Variants in EPS8L2 observed in about 807,000 individuals in gnomAD.
EPS8L2 encodes the protein epidermal growth factor receptor kinase substrate 8-like protein 2.
In EPS8L2, 81 loss-of-function variants were observed where a neutral mutation model predicts 99.4. The observed-to-expected ratio is 0.82, with a 90% CI of 0.68 to 0.98. The LOEUF (loss-of-function observed/expected upper bound fraction) is 0.98. EPS8L2 is among the 50% of genes least tolerant of loss of function. The pLI, the probability that EPS8L2 is intolerant of heterozygous loss-of-function variation, is 0.00. For missense variants in EPS8L2, 1,155 were observed against 968.8 expected (o/e 1.19, Z -2.55); for synonymous variants, 509 against 407.3 (o/e 1.25, Z -3.01).
rs181116568 is a variant in EPS8L2, at chr11:716,523, C to G, written c.166-3539C>G. On this transcript the variant is annotated intron_variant, in intron 4 of 20. Transcript: ENST00000318562. The stretch of plus-strand genomic sequence containing the variant: ...CCACCCTCCTTGGCCTCCCAAAGTG[C>G]TGGGATTACAGGCGTGAGCCACCGT... Among the ~76,000 whole-genome samples the G allele has an allele frequency of 5.3e-5, 8 of 152,324 alleles. 1 individual carries two copies. The South Asian group carries it at 1.2e-3, about 24-fold the overall frequency.
At chr11:715,296 G>C (rs933661894) in intron 4 of EPS8L2, among the ~76,000 whole-genome samples, 2 of 151,832 alleles carry the variant, frequency 1.3e-5, no homozygotes, top group Middle Eastern at 3.4e-3. Context: ...TTAGATATTT[G>C]TTAGGATTTG....
rs768406905 is a variant in EPS8L2, at chr11:721,148, C to T, written c.642C>T (p.Gly214=). Residue 214 remains glycine, a synonymous_variant, in exon 8 of 21, where the codon GGC becomes GGT. Transcript: ENST00000318562. The part of the protein sequence containing the change: ...GPAPIPFQHR[G]GDSPEAKNRV... ...CGCCCATCCCCTTCCAGCACCGCGG[C>T]GGGGATTCCCCGGAGGCCAAGAATC... 7.2e-6 allele frequency: 11 copies of T among 1,536,340 alleles called. No homozygotes were observed. In the Admixed American group the frequency reaches 1.8e-4, roughly 25 times the overall value.
At chr11:715,043 C>G (rs1170343975) in intron 4 of EPS8L2, among the ~76,000 whole-genome samples, 1 of 152,034 alleles carries the variant, frequency 6.6e-6, no homozygotes, top group African/African-American at 2.4e-5. Context: ...GAGATCAAGA[C>G]CATTCTGGCT....
rs182315048 is a variant in EPS8L2 at position 722,144 on chromosome 11, C to G, written c.1038C>G (p.Phe346Leu). The G allele has an allele frequency of 1.2e-6, 2 of 1,612,742 alleles. No homozygotes were observed. The highest frequency in any genetic ancestry group is 2.7e-5 in the African/African-American group (2 of 75,042). Residue 346 changes from phenylalanine to leucine, a missense_variant, in exon 12 of 21, where the codon TTC (phenylalanine) becomes TTG (leucine). Physicochemically the swap from Phe to Leu is conservative, Grantham distance 22. Transcript: ENST00000318562. ...CCAGCGCCGCGGAGCTCGTGCACTT[C>G]CTCTTCGGGCCTCTGGACCTGGTGC... ...QNPSAAELVH[F>L]LFGPLDLIVN...
chr11:719,804 C>T (rs536618323), intron 4 of EPS8L2, among the ~76,000 whole-genome samples: 111 of 152,206 alleles, frequency 7.3e-4, no homozygotes, highest in Admixed American at 2.8e-3. Flanking sequence ...AGGAGGTGGG[C>T]GGGTGAGGAT....
chr11:719,138 T>C (rs983724413), intron 4 of EPS8L2, among the ~76,000 whole-genome samples: 4 of 151,800 alleles, frequency 2.6e-5, no homozygotes, highest in Admixed American at 6.6e-5. Flanking sequence ...GCTAATTTTT[T>C]GTATTTTTAG....
chr11:707,293 A>C (rs868837384), intron 1 of EPS8L2, among the ~76,000 whole-genome samples: 1 of 152,158 alleles, frequency 6.6e-6, no homozygotes, highest in South Asian at 2.1e-4. Flanking sequence ...CATAGCTTCC[A>C]AACAAGGACA....
Position 726,634 on chromosome 11 carries a change from G to T in EPS8L2, c.1950G>T (p.Leu650=). ...KAFSPRIVEN[L]GILTGPQLFS... ...CCGCCCCCAGGATCGTGGAGAACCT[G>T]GGCATCCTGACCGGGCCGCAGCTCT... The change falls in exon 20 of 21, where the codon CTG becomes CTT. Residue 650 remains leucine, a synonymous_variant. Coordinates refer to ENST00000318562, the MANE Select transcript of EPS8L2 (RefSeq NM_022772.4). 3 of 1,554,236 alleles carry T rather than the reference G, an allele frequency of 1.9e-6. No individual in the cohort carries two copies. Among genetic ancestry groups the T allele is most frequent in the Non-Finnish European group, 2.6e-6 (3 of 1,149,388 alleles).
At chr11:715,648 T>G (rs1590050021) in intron 4 of EPS8L2, among the ~76,000 whole-genome samples, 1 of 141,304 alleles carries the variant, frequency 7.1e-6, no homozygotes. Flanking sequence ...TGAAATGGAG[T>G]CTTGCTCTGT....
In EPS8L2 at chr11:720,942, G is replaced by A. The variant is rs1164589160; in HGVS notation, c.557+33G>A. The A allele has an allele frequency of 8.1e-6, 7 of 862,260 alleles. No individual in the cohort carries two copies. In the Admixed American group the frequency reaches 8.2e-5, roughly 10 times the overall value. The allele number at this position is 862,260 out of a possible 1,614,324, so 53.4% of individuals were successfully genotyped here. A position where few individuals can be genotyped will look rare whatever the true frequency, so the allele number is the denominator to read the frequency against. On this transcript the variant is annotated intron_variant, in intron 7 of 20. Coordinates refer to ENST00000318562, the MANE Select transcript of EPS8L2 (RefSeq NM_022772.4). The stretch of plus-strand genomic sequence containing the variant: ...AGCGGGCGGAGCGGGGTCGCAGGGG[G>A]CGGGGAGGGGAGGAGCCCGGCAGGG...
chr11:721,240 C>T (rs956645796), intron 8 of EPS8L2, 34 bp downstream of exon 8: 14 of 1,537,310 alleles, frequency 9.1e-6, no homozygotes, highest in South Asian at 1.2e-5. Context: ...CTCCACAGGG[C>T]TCGTTGTGGG....
rs2133534239 is a variant in EPS8L2, at chr11:723,304, A to C, written c.1405A>C (p.Thr469Pro). 6.3e-7 allele frequency: 1 copy of C among 1,592,876 alleles called. No homozygotes were observed. Residue 469 changes from threonine (T) to proline (P), a missense_variant, in exon 15 of 21, where the codon ACC becomes CCC. Transcript: ENST00000318562. ...SQKHSPTSEP[T>P]PPGDALPPVS... is the part of the protein sequence containing the mutation. ...GAAGCACAGCCCCACTTCAGAGCCC[A>C]CCCCCCCGGGGGATGCCCTACCACC... is the stretch of plus-strand genomic sequence containing the variant.
rs139122869 is a variant in EPS8L2, at chr11:724,757, C to T, written c.1488C>T (p.Tyr496=). 3.1e-5 allele frequency: 50 copies of T among 1,613,594 alleles called. No homozygotes were observed. In the African/African-American group the frequency reaches 4.8e-4, roughly 15 times the overall value. Residue 496 remains tyrosine (Y), a synonymous_variant, in exon 16 of 21, where the codon TAC becomes TAT. Coordinates refer to ENST00000318562, the MANE Select transcript of EPS8L2 (RefSeq NM_022772.4). This position sits in a 1 kb window ranked among gnomAD's most constrained non-coding sequence, Gnocchi z 5.5. The part of the protein sequence containing the change: ...GYQPTPAMAK[Y]VKILYDFTAR... ...AGCCAACACCAGCCATGGCCAAGTA[C>T]GTCAAGATCCTGTATGACTTCACAG...
rs758407888 is a variant in EPS8L2 at position 727,114 on chromosome 11, C to T, written c.*133C>T. The T allele has an allele frequency of 3.0e-6, 2 of 675,286 alleles. No individual in the cohort carries two copies. The highest frequency in any genetic ancestry group is 5.1e-6 in the Non-Finnish European group (2 of 392,210). The allele number at this position is 675,286 out of a possible 1,614,324, so 41.8% of individuals were successfully genotyped here. On this transcript the variant is annotated 3_prime_UTR_variant, in exon 21 of 21. Transcript: ENST00000318562. ...TGGTGCTGGCTAGAGGTCCCTGCCCCTGTCTGGAGGCACAACGCCCATCCT... is the reference window on the plus strand; with the variant it reads ...TGGTGCTGGCTAGAGGTCCCTGCCCTTGTCTGGAGGCACAACGCCCATCCT...
Position 726,611 on chromosome 11 carries a change from G to A in EPS8L2, c.1935-8G>A, listed in dbSNP as rs200264194. ...GCGCGGCCCTGACGCCCAACTGCCC[G>A]CCCCCAGGATCGTGGAGAACCTGGG... On this transcript the variant is annotated splice_region_variant and splice_polypyrimidine_tract_variant and intron_variant, in intron 19 of 20. Coordinates refer to ENST00000318562, the MANE Select transcript of EPS8L2 (RefSeq NM_022772.4). 5.6e-5 allele frequency: 86 copies of A among 1,543,628 alleles called. No individual in the cohort carries two copies. In the East Asian group the frequency reaches 1.9e-3, roughly 34 times the overall value.
chr11:715,777 C>T (rs765043078), intron 4 of EPS8L2, among the ~76,000 whole-genome samples: 4 of 149,268 alleles, frequency 2.7e-5, no homozygotes, highest in Non-Finnish European at 4.5e-5. Context: ...CCCACCACCA[C>T]GCCCAGCTAA....
At chr11:725,531 A>G (rs1445543511) in intron 16 of EPS8L2, among the ~76,000 whole-genome samples, 197 bp from the exon 17 acceptor site, 1 of 152,264 alleles carries the variant, frequency 6.6e-6, no homozygotes, top group South Asian at 2.1e-4. Flanking sequence ...AGGGTCCCCC[A>G]GACTCCTTGA....
intron 4 of EPS8L2, among the ~76,000 whole-genome samples, chr11:716,190 C>A (rs536023805): frequency 6.6e-6 from 1 of 151,086 alleles, no homozygotes; most frequent in South Asian, 2.1e-4. Context: ...GCTCTGTCAC[C>A]CAGGCTGGAG....
intron 5 of EPS8L2, 61 bp downstream of exon 5, chr11:720,284 G>A: frequency 6.4e-7 from 1 of 1,554,860 alleles, no homozygotes; most frequent in East Asian, 2.3e-5. Flanking sequence ...GCAGCCACCG[G>A]CTGCAGCCCG....
Sources: allele counts gnomAD v4.1 joint callset (sites outside exome capture counted in the v4.1 genomes callset), GRCh38; gene constraint gnomAD v4.1.1; non-coding constraint Gnocchi (gnomAD v3.1); transcripts MANE v1.5; gene names NCBI Gene and HGNC (gene_info 2026-07-23, HGNC 2026-07-21).